LCLAT1: variants seen among roughly 807,000 people sequenced by gnomAD.
LCLAT1 encodes lysocardiolipin acyltransferase 1.
Under a neutral mutation model 30.7 loss-of-function variants are expected in LCLAT1, and 11 were observed. The observed-to-expected ratio is 0.36, with a 90% CI of 0.23 to 0.59. The LOEUF is 0.59. LCLAT1 is among the 20% of genes least tolerant of loss of function. LCLAT1 has a pLI of 0.77. For missense variants in LCLAT1, 402 were observed against 458.6 expected, an observed-to-expected ratio of 0.88 and a Z score of 1.13; for synonymous variants, 155 against 151.3, an observed-to-expected ratio of 1.02 and a Z score of -0.18.
At chr2:30,589,058 T>G (rs1180551408) in intron 5 of LCLAT1, among the ~76,000 whole-genome samples, 2 of 152,362 alleles carry the variant, frequency 1.3e-5, no homozygotes, top group East Asian at 1.9e-4. Context: ...AAAGAGTACA[T>G]TTTGTAAATT....
chr2:30,488,853 A>G (rs1683691457), intron 1 of LCLAT1, among the ~76,000 whole-genome samples: 1 of 152,246 alleles, frequency 6.6e-6, no homozygotes, highest in Non-Finnish European at 1.5e-5. Flanking sequence ...TATTTCCATA[A>G]GGAATTAACA....
rs185065657 is a variant in LCLAT1, at chr2:30,489,574, G to A, written c.-4-36013G>A. On this transcript the variant is annotated intron_variant, in intron 1 of 5. Transcript: ENST00000379509. ...TCACCATGTTAGCCAGGATGGTCTCGATCTCCTGACCTCGTGATCTGCCCG... is the reference window on the plus strand; with the variant it reads ...TCACCATGTTAGCCAGGATGGTCTCAATCTCCTGACCTCGTGATCTGCCCG... 8.5e-5 allele frequency among the ~76,000 whole-genome samples: 13 copies of A among 152,228 alleles called. No homozygotes were observed. The South Asian group carries it at 1.9e-3, about 22-fold the overall frequency.
intron 5 of LCLAT1, among the ~76,000 whole-genome samples, chr2:30,600,698 G>T (rs144539597): frequency 2.0e-5 from 3 of 152,140 alleles, no homozygotes; most frequent in Non-Finnish European, 4.4e-5. Flanking sequence ...CTCTCTTTCT[G>T]GCTGCCCTTA....
At chr2:30,461,215 C>T (rs947552684) in intron 1 of LCLAT1, among the ~76,000 whole-genome samples, 15 of 152,062 alleles carry the variant, frequency 9.9e-5, no homozygotes, top group African/African-American at 3.1e-4. Context: ...GGATCTGATA[C>T]GAACTCCAGG....
intron 3 of LCLAT1, among the ~76,000 whole-genome samples, chr2:30,538,083 G>A (rs1663889644): frequency 6.6e-6 from 1 of 151,992 alleles, no homozygotes; most frequent in South Asian, 2.1e-4. Flanking sequence ...AAAAGCAGTA[G>A]TAAGAGCGCA....
At chr2:30,454,437 GT>G (rs1349623155) in intron 1 of LCLAT1, among the ~76,000 whole-genome samples, 1 of 151,824 alleles carries the variant, frequency 6.6e-6, no homozygotes, top group African/African-American at 2.4e-5. Context: ...TTAAACTTAG[GT>G]TTTTTTATTT....
chr2:30,501,195 G>A (rs983986997), intron 1 of LCLAT1, among the ~76,000 whole-genome samples: 6 of 151,480 alleles, frequency 4.0e-5, no homozygotes, highest in African/African-American at 7.3e-5. Context: ...CTGATCTCCC[G>A]TCTCCTTTGC....
chr2:30,615,795 G>T (rs982538510), intron 5 of LCLAT1, among the ~76,000 whole-genome samples: 2 of 152,294 alleles, frequency 1.3e-5, no homozygotes, highest in Middle Eastern at 3.4e-3. Context: ...ATTTATCTGG[G>T]AAAGGTACAT....
chr2:30,600,576 T>A (rs1667135134), intron 5 of LCLAT1, among the ~76,000 whole-genome samples: 1 of 151,698 alleles, frequency 6.6e-6, no homozygotes, highest in African/African-American at 2.4e-5. Flanking sequence ...AAAAACAAAT[T>A]GGGTTGGAAA....
intron 3 of LCLAT1, among the ~76,000 whole-genome samples, chr2:30,538,581 G>A (rs914816478): frequency 6.6e-6 from 1 of 152,000 alleles, no homozygotes; most frequent in African/African-American, 2.4e-5. Context: ...GTTGCAGTGA[G>A]CTGAGATTGC....
intron 1 of LCLAT1, among the ~76,000 whole-genome samples, chr2:30,508,086 GTCT>G (rs1684757334): frequency 6.6e-6 from 1 of 152,150 alleles, no homozygotes; most frequent in Non-Finnish European, 1.5e-5. Context: ...CCACATGTAT[GTCT>G]TCTTTTGAAA....
chr2:30,640,709 G>A lies in LCLAT1; in HGVS notation c.*90G>A, dbSNP rs188210387. ...CTCAGATGCATTTTTGCATGACTAT[G>A]TCGAATATTTCTTACTGCCATCATT... On this transcript the variant is annotated 3_prime_UTR_variant, in exon 6 of 6. Transcript: ENST00000379509. 4,778 of 1,422,890 alleles carry A rather than the reference G, an allele frequency of 3.4e-3. 22 individuals are homozygous for A. Among genetic ancestry groups the A allele is most frequent in the Admixed American group, 4.3e-3 (178 of 41,368 alleles). The allele number at this position is 1,422,890 out of a possible 1,614,324, so 88.1% of individuals were successfully genotyped here.
intron 5 of LCLAT1, among the ~76,000 whole-genome samples, chr2:30,633,980 A>C (rs189302004): frequency 6.6e-6 from 1 of 152,204 alleles, no homozygotes; most frequent in Non-Finnish European, 1.5e-5. Context: ...GGACTCTTAT[A>C]ATAGTCGTGG....
chr2:30,462,306 G>C (rs998648249), intron 1 of LCLAT1, among the ~76,000 whole-genome samples: 1 of 152,170 alleles, frequency 6.6e-6, no homozygotes. Context: ...AGATGAAAGT[G>C]TATAATTGGA....
chr2:30,620,035 G>A (rs13383939), intron 5 of LCLAT1, among the ~76,000 whole-genome samples: 30,154 of 151,984 alleles, frequency 0.2, 3,573 homozygotes, highest in African/African-American at 0.33. Flanking sequence ...GGCAACATTC[G>A]TTGATCACTT....
At chr2:30,527,516 C>T (rs995616584) in intron 2 of LCLAT1, among the ~76,000 whole-genome samples, 4 of 152,228 alleles carry the variant, frequency 2.6e-5, no homozygotes, top group Admixed American at 1.3e-4. Flanking sequence ...TAATGCTTTA[C>T]AGTGTCCAGT....
intron 1 of LCLAT1, among the ~76,000 whole-genome samples, chr2:30,478,433 A>G (rs557749968): frequency 2.6e-5 from 4 of 152,178 alleles, no homozygotes; most frequent in Non-Finnish European, 5.9e-5. Flanking sequence ...AGAATTCCCA[A>G]TTTGGTACAT....
chr2:30,581,128 A>G (rs1419930687), intron 5 of LCLAT1, among the ~76,000 whole-genome samples: 7 of 152,116 alleles, frequency 4.6e-5, no homozygotes, highest in Admixed American at 1.3e-4. Context: ...ACCAAAACCA[A>G]GTTAAGAGCA....
chr2:30,461,472 A>C (rs978915308), intron 1 of LCLAT1, among the ~76,000 whole-genome samples: 1 of 151,982 alleles, frequency 6.6e-6, no homozygotes, highest in East Asian at 1.9e-4. Context: ...TGTTGCCTCC[A>C]CTTGTCTTGA....
Sources: allele counts gnomAD v4.1 joint callset (sites outside exome capture counted in the v4.1 genomes callset), GRCh38; gene constraint gnomAD v4.1.1; transcripts MANE v1.5; gene names NCBI Gene and HGNC (gene_info 2026-07-23, HGNC 2026-07-21).